Variants in KLHL29 observed in about 807,000 individuals in gnomAD.
KLHL29 encodes kelch like family member 29, also known as kelch-like protein 29.
Under a neutral mutation model 80.4 loss-of-function variants are expected in KLHL29, and 21 were observed. The ratio of observed to expected loss-of-function variants is 0.26; its 90% CI spans 0.19 to 0.38. KLHL29 has a LOEUF of 0.38. KLHL29 is among the 10% of genes least tolerant of loss of function. The pLI is 1.00. For missense variants in KLHL29, 867 were observed against 1,223.9 expected (o/e 0.71, Z 4.35); for synonymous variants, 511 against 526.8 (o/e 0.97, Z 0.41).
At chr2:23,482,079 T>C (rs1337222092) in intron 2 of KLHL29, among the ~76,000 whole-genome samples, 1 of 152,014 alleles carries the variant, frequency 6.6e-6, no homozygotes, top group Non-Finnish European at 1.5e-5. Context: ...AGTCCCATGC[T>C]AAACAGCAGG....
chr2:23,653,108 T>A (rs75543844), intron 5 of KLHL29, among the ~76,000 whole-genome samples: 3,176 of 152,342 alleles, frequency 0.021, 40 homozygotes, highest in Middle Eastern at 0.058. Flanking sequence ...GCAACCCGTC[T>A]GCTCCGTTCA....
chr2:23,627,084 A>G (rs1416967571), intron 3 of KLHL29, among the ~76,000 whole-genome samples: 1 of 152,102 alleles, frequency 6.6e-6, no homozygotes, highest in African/African-American at 2.4e-5. Context: ...GGAAGTATCT[A>G]TCTGCCCCAA....
intron 2 of KLHL29, among the ~76,000 whole-genome samples, chr2:23,519,180 T>C (rs1666024418): frequency 6.6e-6 from 1 of 152,076 alleles, no homozygotes; most frequent in African/African-American, 2.4e-5. Context: ...GGGGACAGCC[T>C]CCCTAGGTAA....
chr2:23,512,572 A>G (rs891472391), intron 2 of KLHL29, among the ~76,000 whole-genome samples: 10 of 152,280 alleles, frequency 6.6e-5, no homozygotes, highest in African/African-American at 2.4e-4. Context: ...GTTAGCGATC[A>G]ATATGGCTTT....
chr2:23,593,229 A>G (rs1462305736), intron 3 of KLHL29, among the ~76,000 whole-genome samples: 3 of 152,310 alleles, frequency 2.0e-5, no homozygotes, highest in African/African-American at 7.2e-5. Flanking sequence ...AGGACTTCTA[A>G]TGTGATCCTG....
chr2:23,458,025 T>C (rs1664106203), intron 1 of KLHL29, among the ~76,000 whole-genome samples: 1 of 151,602 alleles, frequency 6.6e-6, no homozygotes, highest in Non-Finnish European at 1.5e-5. Context: ...AAAATAAAAA[T>C]TAAAAAAAAA....
intron 1 of KLHL29, among the ~76,000 whole-genome samples, chr2:23,468,830 G>A (rs970347599): frequency 1.3e-5 from 2 of 152,226 alleles, no homozygotes; most frequent in South Asian, 4.1e-4. Flanking sequence ...AACTGGAACA[G>A]GGAAAGCCGA....
At chr2:23,473,425 T>G (rs1162279624) in intron 1 of KLHL29, among the ~76,000 whole-genome samples, 1 of 152,092 alleles carries the variant, frequency 6.6e-6, no homozygotes, top group Non-Finnish European at 1.5e-5. Context: ...GTCATTCACT[T>G]CCAGACCTTT....
At chr2:23,603,114 A>AC (rs942369554) in intron 3 of KLHL29, among the ~76,000 whole-genome samples, 11 of 151,810 alleles carry the variant, frequency 7.2e-5, no homozygotes, top group East Asian at 1.9e-4. Context: ...CAGGGAAGTG[A>AC]CCCCCCACCC....
At chr2:23,490,956 AT>A (rs201364894) in intron 2 of KLHL29, among the ~76,000 whole-genome samples, 4 of 151,326 alleles carry the variant, frequency 2.6e-5, no homozygotes, top group African/African-American at 7.3e-5. Flanking sequence ...ACCTAATATG[AT>A]TTTTTTTTAT....
intron 1 of KLHL29, among the ~76,000 whole-genome samples, chr2:23,418,775 C>G (rs905913977): frequency 6.6e-6 from 1 of 152,024 alleles, no homozygotes; most frequent in African/African-American, 2.4e-5. Flanking sequence ...CAGGGATAAC[C>G]TTACCCAATA....
intron 11 of KLHL29, among the ~76,000 whole-genome samples, chr2:23,701,701 A>G (rs1372717024): frequency 2.0e-5 from 3 of 151,796 alleles, no homozygotes; most frequent in Non-Finnish European, 4.4e-5. Flanking sequence ...TAGGCAACAG[A>G]GCAAGACCCT....
At chr2:23,649,657 T>C (rs1454684318) in intron 5 of KLHL29, among the ~76,000 whole-genome samples, 2 of 152,334 alleles carry the variant, frequency 1.3e-5, no homozygotes, top group East Asian at 3.9e-4. Context: ...CCGCTGAGCA[T>C]CTTCAAGGTC....
At chr2:23,440,483 C>T (rs900785396) in intron 1 of KLHL29, among the ~76,000 whole-genome samples, 1 of 152,090 alleles carries the variant, frequency 6.6e-6, no homozygotes, top group African/African-American at 2.4e-5. Flanking sequence ...CAAATGGGAT[C>T]TAATTAAACT....
intron 2 of KLHL29, among the ~76,000 whole-genome samples, chr2:23,487,178 G>A (rs929875572): frequency 6.6e-6 from 1 of 151,992 alleles, no homozygotes; most frequent in Non-Finnish European, 1.5e-5. Flanking sequence ...TTATTTGTGT[G>A]TGACCTTTGT....
At chr2:23,614,389 C>T (rs1668949017) in intron 3 of KLHL29, among the ~76,000 whole-genome samples, 1 of 152,050 alleles carries the variant, frequency 6.6e-6, no homozygotes, top group Non-Finnish European at 1.5e-5. Context: ...GTTCACAGAA[C>T]ATAGAACATA....
In KLHL29 at chr2:23,670,917, G is replaced by GCGCGCGCACTCTCTCTCTCT. The variant is rs150131401; in HGVS notation, c.941-13481_941-13480insGCGCGCACTCTCTCTCTCTC. Among the ~76,000 whole-genome samples the GCGCGCGCACTCTCTCTCTCT allele has an allele frequency of 6.5e-4, 12 of 18,534 alleles. 5 individuals are homozygous for GCGCGCGCACTCTCTCTCTCT. Among genetic ancestry groups the GCGCGCGCACTCTCTCTCTCT allele is most frequent in the Non-Finnish European group, 1.2e-3 (10 of 8,504 alleles). 12.2% of individuals were successfully genotyped at this position (18,534 alleles called of 152,430 possible). The stretch of plus-strand genomic sequence containing the variant: ...GAGGGGTCTCTACACACATGCACGC[G>GCGCGCGCACTCTCTCTCTCT]CTCTCTCTCTCTCTCTCTCTCTCTC... On this transcript the variant is annotated intron_variant, in intron 5 of 13. Transcript: ENST00000486442.
chr2:23,679,027 A>G (rs1228706650), intron 5 of KLHL29, among the ~76,000 whole-genome samples: 1 of 147,516 alleles, frequency 6.8e-6, no homozygotes, highest in Non-Finnish European at 1.5e-5. Flanking sequence ...TGGACACTTT[A>G]AAATGGGTAC....
At chr2:23,534,387 A>G (rs990655110) in intron 2 of KLHL29, among the ~76,000 whole-genome samples, 3 of 152,080 alleles carry the variant, frequency 2.0e-5, no homozygotes, top group Admixed American at 6.5e-5. Flanking sequence ...TTATGTCTCA[A>G]TGCCTTTGTT....
Sources: gnomAD v4.1 joint callset for allele counts (sites outside exome capture counted in the v4.1 genomes callset) on GRCh38, gnomAD v4.1.1 for gene constraint, MANE v1.5 for transcripts, NCBI Gene and HGNC (gene_info 2026-07-23, HGNC 2026-07-21) for gene names.